Variants in PTPRT observed in about 807,000 individuals in gnomAD.
PTPRT encodes protein tyrosine phosphatase receptor type T.
PTPRT carries 56 observed loss-of-function variants against 176.8 expected under a neutral mutation model. The ratio of observed to expected loss-of-function variants is 0.32; its 90% CI spans 0.26 to 0.40. PTPRT has a LOEUF of 0.40. PTPRT is among the 10% of genes least tolerant of loss of function. The pLI, the probability that PTPRT is intolerant of heterozygous loss-of-function variation, is 1.00. For synonymous variants in PTPRT, 783 were observed against 739.0 expected (o/e 1.06, Z -0.96); for missense variants, 1,540 against 1,908.2 (o/e 0.81, Z 3.60).
chr20:42,633,983 T>C, intron 7 of PTPRT, among the ~76,000 whole-genome samples: 2 of 30,700 alleles, frequency 6.5e-5, no homozygotes, highest in African/African-American at 3.5e-4. Flanking sequence ...ATATATTATA[T>C]ATTATATTAT....
chr20:43,103,315 A>G (rs957140169), intron 1 of PTPRT, among the ~76,000 whole-genome samples: 5 of 152,214 alleles, frequency 3.3e-5, no homozygotes, highest in Non-Finnish European at 5.9e-5. Context: ...TCGGTCAGAC[A>G]ACTGGCCCTG....
At chr20:42,427,848 C>T (rs1163945335) in intron 9 of PTPRT, among the ~76,000 whole-genome samples, 2 of 152,184 alleles carry the variant, frequency 1.3e-5, no homozygotes, top group African/African-American at 2.4e-5. Context: ...CTCCCCCACC[C>T]TTAAGAAGGT....
At chr20:42,100,256 G>A (rs1253050522) in intron 26 of PTPRT, among the ~76,000 whole-genome samples, 1 of 152,088 alleles carries the variant, frequency 6.6e-6, no homozygotes, top group East Asian at 1.9e-4. Flanking sequence ...AAATATGTTC[G>A]AGATCCGTGC....
intron 7 of PTPRT, among the ~76,000 whole-genome samples, chr20:42,650,327 A>G (rs1371028120): frequency 6.6e-6 from 1 of 152,136 alleles, no homozygotes; most frequent in East Asian, 1.9e-4. Flanking sequence ...TGCACAAATC[A>G]CTGCCAGATG....
intron 1 of PTPRT, among the ~76,000 whole-genome samples, chr20:43,046,365 G>A (rs1360668501): frequency 2.0e-5 from 3 of 151,854 alleles, no homozygotes; most frequent in East Asian, 3.9e-4. Flanking sequence ...AGGTCAGATC[G>A]AGACCATCCT....
chr20:42,961,686 G>A (rs1981993442), intron 1 of PTPRT, among the ~76,000 whole-genome samples: 1 of 152,162 alleles, frequency 6.6e-6, no homozygotes, highest in Admixed American at 6.5e-5. Context: ...GGGTACTGTG[G>A]TCAGTTGAAT....
At chr20:42,510,881 G>C (rs547231442) in intron 7 of PTPRT, among the ~76,000 whole-genome samples, 2 of 152,246 alleles carry the variant, frequency 1.3e-5, no homozygotes, top group East Asian at 3.9e-4. Flanking sequence ...TGGTTTGAAT[G>C]GCCCCTCCAA....
At chr20:42,846,493 A>G (rs929851257) in intron 2 of PTPRT, among the ~76,000 whole-genome samples, 4 of 152,206 alleles carry the variant, frequency 2.6e-5, no homozygotes, top group African/African-American at 9.6e-5. Flanking sequence ...ACCCTTCATA[A>G]GCAAACTACC....
At chr20:42,063,070 C>G in the PTPRT span, among the ~76,000 whole-genome samples, 1 of 152,144 alleles carries the variant, frequency 6.6e-6, no homozygotes, top group Non-Finnish European at 1.5e-5. Flanking sequence ...TTTCAAGAGA[C>G]CTGGATTTTA....
rs1335710157 is a variant in PTPRT, at chr20:42,217,406, CACACACACACACACACACAG to C, written c.2343-18038_2343-18019del. Among the ~76,000 whole-genome samples the C allele has an allele frequency of 2.4e-3, 324 of 132,976 alleles. 5 individuals are homozygous for C. The highest frequency in any genetic ancestry group is 0.019 in the Middle Eastern group (5 of 268). 87.2% of individuals were successfully genotyped at this position (132,976 alleles called of 152,430 possible). A position where few individuals can be genotyped will look rare whatever the true frequency, so the allele number is the denominator to read the frequency against. On this transcript the variant is annotated intron_variant, in intron 15 of 30. Transcript: ENST00000373187. ...ACACACACACACACACACACACACA[CACACACACACACACACACAG>C]AACATTACGTCCATCCCCCACTCCA...
chr20:42,209,792 T>C (rs2055573701), intron 15 of PTPRT, among the ~76,000 whole-genome samples: 1 of 152,206 alleles, frequency 6.6e-6, no homozygotes, highest in South Asian at 2.1e-4. Flanking sequence ...CCATAACTCA[T>C]TTTATGAGGC....
At chr20:42,796,617 C>G (rs2077459051) in intron 2 of PTPRT, among the ~76,000 whole-genome samples, 1 of 152,212 alleles carries the variant, frequency 6.6e-6, no homozygotes, top group Non-Finnish European at 1.5e-5. Context: ...TCCCAGATAG[C>G]TATTTAAGAG....
chr20:42,913,790 A>G (rs1004731529), intron 1 of PTPRT, among the ~76,000 whole-genome samples: 40 of 152,224 alleles, frequency 2.6e-4, no homozygotes, highest in African/African-American at 8.9e-4. Flanking sequence ...GTTTAGTATG[A>G]TAAGAACTCA....
At chr20:43,128,430 C>G (rs563627494) in intron 1 of PTPRT, among the ~76,000 whole-genome samples, 2 of 152,220 alleles carry the variant, frequency 1.3e-5, no homozygotes, top group Non-Finnish European at 2.9e-5. Flanking sequence ...CAAGTCCCTA[C>G]GACAAATAAG....
At chr20:42,920,402 G>C (rs1979067898) in intron 1 of PTPRT, among the ~76,000 whole-genome samples, 1 of 152,140 alleles carries the variant, frequency 6.6e-6, no homozygotes, top group African/African-American at 2.4e-5. Context: ...TTGGCAGGGA[G>C]GGAAGTTGAG....
At chr20:42,565,541 T>C (rs1473491539) in intron 7 of PTPRT, among the ~76,000 whole-genome samples, 3 of 151,832 alleles carry the variant, frequency 2.0e-5, no homozygotes, top group African/African-American at 7.3e-5. Flanking sequence ...TGAGGGCCCT[T>C]AGAGGATCTC....
intron 7 of PTPRT, among the ~76,000 whole-genome samples, chr20:42,602,675 T>A (rs1233758940): frequency 2.0e-5 from 3 of 152,050 alleles, no homozygotes; most frequent in Non-Finnish European, 4.4e-5. Flanking sequence ...CTATGTTCTT[T>A]TTTTCTCCTA....
chr20:43,066,278 G>C (rs576610509), intron 1 of PTPRT, among the ~76,000 whole-genome samples: 1 of 152,150 alleles, frequency 6.6e-6, no homozygotes, highest in Non-Finnish European at 1.5e-5. Context: ...ATCCATAAAT[G>C]TGTCTTCATT....
chr20:42,942,655 G>C (rs1307765844), intron 1 of PTPRT, among the ~76,000 whole-genome samples: 1 of 152,164 alleles, frequency 6.6e-6, no homozygotes, highest in Non-Finnish European at 1.5e-5. Context: ...TATGATTGCT[G>C]GCTCTGGGTT....
Sources: gnomAD v4.1 joint callset for allele counts (sites outside exome capture counted in the v4.1 genomes callset) on GRCh38, gnomAD v4.1.1 for gene constraint, MANE v1.5 for transcripts, NCBI Gene and HGNC (gene_info 2026-07-23, HGNC 2026-07-21) for gene names.